The following C1QTNF7 variants were observed in gnomAD, a reference collection of about 807,000 sequenced individuals.
The protein encoded by C1QTNF7 is complement C1q tumor necrosis factor-related protein 7.
A neutral mutation model predicts 19.6 loss-of-function variants in C1QTNF7; 15 were observed. The observed-to-expected ratio is 0.76, with a 90% CI of 0.51 to 1.18. C1QTNF7 has a LOEUF of 1.18. Among genes scored for constraint, C1QTNF7 ranks in the 50% most tolerant of loss-of-function variants. C1QTNF7 has a pLI of 0.00. For missense variants in C1QTNF7, 324 were observed against 359.7 expected, an observed-to-expected ratio of 0.90 and a Z score of 0.80; for synonymous variants, 142 against 137.5, an observed-to-expected ratio of 1.03 and a Z score of -0.23.
intron 1 of C1QTNF7, among the ~76,000 whole-genome samples, chr4:15,433,561 G>C (rs1404441604): frequency 6.6e-6 from 1 of 152,170 alleles, no homozygotes; most frequent in Non-Finnish European, 1.5e-5. Context: ...ATGGTAACAA[G>C]ACAAGAACTT....
At chr4:15,429,648 T>C (rs7656974) in intron 1 of C1QTNF7, among the ~76,000 whole-genome samples, 12,360 of 152,198 alleles carry the variant, frequency 0.081, 766 homozygotes, top group Admixed American at 0.19. Context: ...CATGGACACT[T>C]GGGTTGCTTC....
intron 1 of C1QTNF7, among the ~76,000 whole-genome samples, chr4:15,393,240 T>C (rs1037306109): frequency 1.3e-5 from 2 of 152,096 alleles, no homozygotes; most frequent in Non-Finnish European, 2.9e-5. Context: ...GAAATGTGAG[T>C]CCATTAAGCC....
At chr4:15,401,274 G>A (rs1402799742) in intron 1 of C1QTNF7, among the ~76,000 whole-genome samples, 1 of 152,140 alleles carries the variant, frequency 6.6e-6, no homozygotes, top group Non-Finnish European at 1.5e-5. Flanking sequence ...GTGGGGAGGA[G>A]CGACCTTGCA....
At chr4:15,414,883 G>A (rs1457107554) in intron 1 of C1QTNF7, among the ~76,000 whole-genome samples, 1 of 152,070 alleles carries the variant, frequency 6.6e-6, no homozygotes, top group Non-Finnish European at 1.5e-5. Context: ...AACAAACTAG[G>A]TTTGGGATAA....
intron 1 of C1QTNF7, among the ~76,000 whole-genome samples, chr4:15,362,900 A>G (rs990218751): frequency 3.3e-5 from 5 of 152,210 alleles, no homozygotes; most frequent in Admixed American, 2.0e-4. Flanking sequence ...CATCAATACT[A>G]TAAGTAAGTA....
At chr4:15,437,790 A>C (rs994158319) in intron 2 of C1QTNF7, among the ~76,000 whole-genome samples, 3 of 152,200 alleles carry the variant, frequency 2.0e-5, no homozygotes, top group African/African-American at 7.2e-5. Flanking sequence ...CCGTGGAGTG[A>C]CTATTCTGTG....
chr4:15,416,379 C>A (rs1719607653), intron 1 of C1QTNF7, among the ~76,000 whole-genome samples: 1 of 152,204 alleles, frequency 6.6e-6, no homozygotes, highest in Non-Finnish European at 1.5e-5. Flanking sequence ...AATACCAGCT[C>A]GGTTCAACTC....
intron 1 of C1QTNF7, among the ~76,000 whole-genome samples, chr4:15,343,093 A>G (rs888537301): frequency 1.3e-5 from 2 of 152,234 alleles, no homozygotes; most frequent in East Asian, 1.9e-4. Flanking sequence ...CTTATTAGCT[A>G]TTAAATGCTG....
chr4:15,379,736 G>T (rs1453706579), intron 1 of C1QTNF7, among the ~76,000 whole-genome samples: 3 of 152,214 alleles, frequency 2.0e-5, no homozygotes, highest in African/African-American at 7.2e-5. Context: ...CTGTGGAATT[G>T]TCTTCTTTGG....
chr4:15,428,766 A>G (rs1056982395), intron 1 of C1QTNF7, among the ~76,000 whole-genome samples: 1 of 152,068 alleles, frequency 6.6e-6, no homozygotes, highest in East Asian at 1.9e-4. Context: ...TCACAGTGCC[A>G]CTCCCAGTGC....
At chr4:15,367,635 A>G (rs1577238738) in intron 1 of C1QTNF7, among the ~76,000 whole-genome samples, 1 of 152,126 alleles carries the variant, frequency 6.6e-6, no homozygotes, top group East Asian at 1.9e-4. Flanking sequence ...AAAAGCAGAG[A>G]AAGGACTTGG....
At chr4:15,399,084 T>C (rs1414616662) in intron 1 of C1QTNF7, among the ~76,000 whole-genome samples, 1 of 152,158 alleles carries the variant, frequency 6.6e-6, no homozygotes, top group Admixed American at 6.5e-5. Flanking sequence ...AGGAAGGTCA[T>C]GTACCAGTTA....
At chr4:15,401,180 A>C (rs1718982322) in intron 1 of C1QTNF7, among the ~76,000 whole-genome samples, 1 of 152,200 alleles carries the variant, frequency 6.6e-6, no homozygotes, top group Admixed American at 6.5e-5. Flanking sequence ...ATGAGGAGGA[A>C]CTGGGAAAAC....
At chr4:15,431,704 C>G (rs572824089) in intron 1 of C1QTNF7, among the ~76,000 whole-genome samples, 37 of 152,230 alleles carry the variant, frequency 2.4e-4, no homozygotes, top group South Asian at 2.3e-3. Flanking sequence ...CTCAAACCTC[C>G]CCACAAAATT....
intron 1 of C1QTNF7, among the ~76,000 whole-genome samples, chr4:15,352,272 T>C (rs1400435662): frequency 2.0e-5 from 3 of 152,174 alleles, no homozygotes; most frequent in Non-Finnish European, 4.4e-5. Flanking sequence ...AATAGCTGCT[T>C]CCCATTTTAG....
intron 1 of C1QTNF7, among the ~76,000 whole-genome samples, chr4:15,349,740 T>C (rs1716843430): frequency 6.6e-6 from 1 of 152,194 alleles, no homozygotes; most frequent in South Asian, 2.1e-4. Context: ...TTGGAACCAA[T>C]GTTTTTCCTC....
intron 1 of C1QTNF7, among the ~76,000 whole-genome samples, chr4:15,344,820 C>T (rs950487103): frequency 6.6e-5 from 10 of 152,164 alleles, no homozygotes; most frequent in African/African-American, 2.2e-4. Context: ...TATATTCCTT[C>T]GGGAGAAACT....
intron 1 of C1QTNF7, among the ~76,000 whole-genome samples, chr4:15,352,304 A>G (rs1471692351): frequency 2.6e-5 from 4 of 152,184 alleles, no homozygotes; most frequent in Admixed American, 2.6e-4. Context: ...TTTTCAGATG[A>G]GAAAATGAGA....
chr4:15,365,996 A>T (rs1717505336), intron 1 of C1QTNF7, among the ~76,000 whole-genome samples: 1 of 152,134 alleles, frequency 6.6e-6, no homozygotes, highest in East Asian at 1.9e-4. Context: ...GTACCCAAAG[A>T]TTACTGGGGT....
Sources: allele counts gnomAD v4.1 joint callset (sites outside exome capture counted in the v4.1 genomes callset), GRCh38; gene constraint gnomAD v4.1.1; transcripts MANE v1.5; gene names NCBI Gene and HGNC (gene_info 2026-07-23, HGNC 2026-07-21).